Variants in SEPTIN9 observed in about 807,000 individuals in gnomAD.
SEPTIN9 encodes the protein septin-9.
Under a neutral mutation model 56.6 loss-of-function variants are expected in SEPTIN9, and 13 were observed. The ratio of observed to expected loss-of-function variants is 0.23; its 90% confidence interval spans 0.15 to 0.37. The LOEUF (loss-of-function observed/expected upper bound fraction) is 0.37, where lower values mean the gene tolerates loss of function less well. Ranked by LOEUF, SEPTIN9 falls within the 10% of genes least tolerant of loss-of-function variation. The pLI is 1.00. For synonymous variants in SEPTIN9, 332 were observed against 334.1 expected (o/e 0.99, Z 0.07); for missense variants, 650 against 823.1 (o/e 0.79, Z 2.57).
At position 77,384,571 on chromosome 17, in the gene SEPTIN9, C is replaced by T. The variant is rs184663788; in HGVS notation, c.77-17488C>T. 3.2e-4 allele frequency among the ~76,000 whole-genome samples: 49 copies of T among 152,054 alleles called. 3 individuals are homozygous for T. Among genetic ancestry groups the T allele is most frequent in the South Asian group, 2.7e-3 (13 of 4,798 alleles). On this transcript the variant is annotated intron_variant, in intron 2 of 11. Transcript: ENST00000427177. ...GTCTTCAGGAGGGCAGAGGTTCACA[C>T]CTGCAGCGCCCCAGAAACACTCCGG...
chr17:77,451,749 TAGA>T lies in SEPTIN9; in HGVS notation c.722-30390_722-30388del, dbSNP rs904230459. ...GGGGACCAGATTTTCGGCCTCAAAATAGAAGAATAGGGCTTTGTGTGGTCACAG... is the reference window on the plus strand; with the variant it reads ...GGGGACCAGATTTTCGGCCTCAAAATAGAATAGGGCTTTGTGTGGTCACAG... On this transcript the variant is annotated intron_variant, in intron 3 of 11. Transcript: ENST00000427177. This position sits in a 1 kb window ranked among gnomAD's most constrained non-coding sequence, Gnocchi z 4.2. Among the ~76,000 whole-genome samples, 1 of 152,186 alleles carries T rather than the reference TAGA, an allele frequency of 6.6e-6. No individual in the cohort carries two copies. The highest frequency in any genetic ancestry group is 6.5e-5 in the Admixed American group (1 of 15,286).
In SEPTIN9 at chr17:77,425,287, G is replaced by A. The variant is rs1265783913; in HGVS notation, c.721+22584G>A. Among the ~76,000 whole-genome samples the A allele has an allele frequency of 2.6e-5, 4 of 152,204 alleles. No homozygotes were observed. The highest frequency in any genetic ancestry group is 2.1e-4 in the South Asian group (1 of 4,834). On this transcript the variant is annotated intron_variant, in intron 3 of 11. Coordinates refer to ENST00000427177, the MANE Select transcript of SEPTIN9 (RefSeq NM_001113491.2). The surrounding 1 kb of genome is among the most constrained non-coding windows in gnomAD (Gnocchi z 4.2). ...ACAGGAAGCCGGGCCAGCGGCCTCCGGAAGCCTCTGGGCTTTGCAAGCTGG... is the reference window on the plus strand; with the variant it reads ...ACAGGAAGCCGGGCCAGCGGCCTCCAGAAGCCTCTGGGCTTTGCAAGCTGG...
chr17:77,470,044 C>T (rs1447966149), intron 3 of SEPTIN9, among the ~76,000 whole-genome samples: 2 of 151,136 alleles, frequency 1.3e-5, no homozygotes, highest in East Asian at 3.9e-4. Context: ...CTCATTCACT[C>T]ATTCACTCAT....
At chr17:77,337,212 T>C (rs1179499116) in intron 2 of SEPTIN9, among the ~76,000 whole-genome samples, 1 of 152,072 alleles carries the variant, frequency 6.6e-6, no homozygotes, top group Non-Finnish European at 1.5e-5. Flanking sequence ...TCTCATTGTG[T>C]TGCTCAGGCT....
At chr17:77,478,942 C>T (rs1221469940) in intron 3 of SEPTIN9, among the ~76,000 whole-genome samples, 1 of 152,204 alleles carries the variant, frequency 6.6e-6, no homozygotes, top group Non-Finnish European at 1.5e-5. Context: ...AAGGACAATC[C>T]TGTAGGATTC....
chr17:77,298,719 C>A (rs1053875400), intron 1 of SEPTIN9, among the ~76,000 whole-genome samples: 1 of 152,218 alleles, frequency 6.6e-6, no homozygotes, highest in African/African-American at 2.4e-5. Context: ...CCTCCCCCTG[C>A]CTTTCTGCAT....
rs1157064846 is a variant in SEPTIN9, at chr17:77,368,150, G to A, written c.77-33909G>A. Reference sequence around the variant, plus strand: ...GAATGACGGTTGCCAGCAGCTAGGGGAAGGAAGGATGGGGAGTTATTGTTT... The same window carrying A: ...GAATGACGGTTGCCAGCAGCTAGGGAAAGGAAGGATGGGGAGTTATTGTTT... On this transcript the variant is annotated intron_variant, in intron 2 of 11. Transcript: ENST00000427177. Among the ~76,000 whole-genome samples the A allele has an allele frequency of 2.0e-5, 3 of 152,236 alleles. No individual in the cohort carries two copies. In the South Asian group the frequency reaches 6.2e-4, roughly 32 times the overall value.
At chr17:77,354,305 C>T (rs1355604362) in intron 2 of SEPTIN9, among the ~76,000 whole-genome samples, 1 of 152,206 alleles carries the variant, frequency 6.6e-6, no homozygotes, top group Non-Finnish European at 1.5e-5. Context: ...CAAGGTCTGT[C>T]TCTACCTTAC....
rs546119996 is a variant in SEPTIN9, at chr17:77,330,912, C to G, written c.76+23715C>G. Among the ~76,000 whole-genome samples, 1 of 152,366 alleles carries G rather than the reference C, an allele frequency of 6.6e-6. No individual in the cohort carries two copies. Among genetic ancestry groups the G allele is most frequent in the East Asian group, 1.9e-4 (1 of 5,184 alleles). On this transcript the variant is annotated intron_variant, in intron 2 of 11. Coordinates refer to ENST00000427177, the MANE Select transcript of SEPTIN9 (RefSeq NM_001113491.2). This position sits in a 1 kb window ranked among gnomAD's most constrained non-coding sequence, Gnocchi z 4.4. ...TCTCCCGCAATTCACCCTGCCCAGC[C>G]CCACACAGCTTGTCCCTCCAGCTGG...
chr17:77,415,069 G>A (rs1187875371), intron 3 of SEPTIN9, among the ~76,000 whole-genome samples: 2 of 152,110 alleles, frequency 1.3e-5, no homozygotes, highest in African/African-American at 4.8e-5. Context: ...GGGACATTGG[G>A]TTGCTGCCAC....
intron 3 of SEPTIN9, chr17:77,427,299 T>G (rs1270472875): frequency 1.3e-5 from 2 of 152,242 alleles, no homozygotes; most frequent in Non-Finnish European, 2.9e-5. Flanking sequence ...GAGACGGGGC[T>G]TCTGGGGGAC....
chr17:77,496,331 CG>C (rs1462217298), intron 10 of SEPTIN9: 1 of 152,188 alleles, frequency 6.6e-6, no homozygotes, highest in African/African-American at 2.4e-5. Context: ...CCAGCGTCTA[CG>C]CCCCATTTTC....
intron 1 of SEPTIN9, chr17:77,294,820 C>T (rs143865691): frequency 3.9e-5 from 6 of 152,368 alleles, no homozygotes; most frequent in South Asian, 2.1e-4. Flanking sequence ...CTCTCCACTG[C>T]GCACGTTTTT....
At chr17:77,359,721 A>G (rs995002479) in intron 2 of SEPTIN9, among the ~76,000 whole-genome samples, 2 of 152,128 alleles carry the variant, frequency 1.3e-5, no homozygotes, top group Non-Finnish European at 2.9e-5. Context: ...GCTTGGGCCT[A>G]GGAGTTCGAG....
intron 4 of SEPTIN9, among the ~76,000 whole-genome samples, chr17:77,486,161 G>A (rs2039769863): frequency 6.6e-6 from 1 of 151,796 alleles, no homozygotes; most frequent in Admixed American, 6.6e-5. Flanking sequence ...CTCTGGAGTG[G>A]CAATGATCCT....
rs1483862829 is a variant in SEPTIN9, at chr17:77,326,200, C to G, written c.76+19003C>G. Among the ~76,000 whole-genome samples the G allele has an allele frequency of 6.6e-6, 1 of 152,226 alleles. No individual in the cohort carries two copies. Among genetic ancestry groups the G allele is most frequent in the Non-Finnish European group, 1.5e-5 (1 of 68,040 alleles). ...ACCCCCAACATGACAAAATAAACCT[C>G]CCTTGCCGGTCACTCATTCATTCAT... On this transcript the variant is annotated intron_variant, in intron 2 of 11. Coordinates refer to ENST00000427177, the MANE Select transcript of SEPTIN9 (RefSeq NM_001113491.2). The surrounding 1 kb of genome is among the most constrained non-coding windows in gnomAD (Gnocchi z 5.1).
At position 77,417,263 on chromosome 17, in the gene SEPTIN9, C is replaced by T. The variant is rs115959658; in HGVS notation, c.721+14560C>T. ...CTAATAGATGCTCAGTGTCATTTCA[C>T]GGATTCTGTGTGCCTTGTGTGTCTC... On this transcript the variant is annotated intron_variant, in intron 3 of 11. Coordinates refer to ENST00000427177, the MANE Select transcript of SEPTIN9 (RefSeq NM_001113491.2). 5.3e-3 allele frequency among the ~76,000 whole-genome samples: 813 copies of T among 152,280 alleles called. 8 individuals carry two copies. The highest frequency in any genetic ancestry group is 0.019 in the African/African-American group (771 of 41,550).
chr17:77,360,915 C>CTTTTTTTT (rs34718935), intron 2 of SEPTIN9, among the ~76,000 whole-genome samples: 1 of 76,798 alleles, frequency 1.3e-5, no homozygotes, highest in Non-Finnish European at 2.3e-5. Context: ...GTCTTTCATC[C>CTTTTTTTT]TTTTTTTTTT....
At chr17:77,415,445 A>G (rs1285413354) in intron 3 of SEPTIN9, among the ~76,000 whole-genome samples, 1 of 152,108 alleles carries the variant, frequency 6.6e-6, no homozygotes, top group Non-Finnish European at 1.5e-5. Context: ...CGTCTCTACT[A>G]AAAATATAAA....
Sources: allele counts gnomAD v4.1 joint callset (sites outside exome capture counted in the v4.1 genomes callset), GRCh38; gene constraint gnomAD v4.1.1; non-coding constraint Gnocchi (gnomAD v3.1); transcripts MANE v1.5; gene names NCBI Gene and HGNC (gene_info 2026-07-23, HGNC 2026-07-21).